Variants in MECR observed in about 807,000 individuals in gnomAD.
MECR encodes the protein mitochondrial trans-2-enoyl-CoA reductase, also known as enoyl-[acyl-carrier-protein] reductase, mitochondrial.
MECR carries 37 observed loss-of-function variants against 49.1 expected under a neutral mutation model. The observed-to-expected ratio is 0.75, with a 90% CI of 0.58 to 0.99. MECR has a LOEUF of 0.99. Ranked by LOEUF, MECR falls within the 50% of genes least tolerant of loss-of-function variation. The pLI is 0.00. For missense variants in MECR, 470 were observed against 479.6 expected (o/e 0.98, Z 0.19); for synonymous variants, 198 against 191.1 (o/e 1.04, Z -0.30).
the MECR span, among the ~76,000 whole-genome samples, chr1:29,178,367 A>G: frequency 1.8e-4 from 2 of 10,906 alleles, no homozygotes; most frequent in Non-Finnish European, 8.3e-4. Flanking sequence ...TTTTTTTGAG[A>G]CAGAGTCTCG....
chr1:29,180,006 C>A, the MECR span, among the ~76,000 whole-genome samples: 3 of 152,238 alleles, frequency 2.0e-5, no homozygotes, highest in African/African-American at 7.2e-5. Flanking sequence ...TTATCAAACA[C>A]CAACAAGCAA....
intron 7 of MECR, among the ~76,000 whole-genome samples, chr1:29,196,623 G>A (rs1224517171): frequency 1.3e-5 from 2 of 152,190 alleles, no homozygotes; most frequent in East Asian, 1.9e-4. Flanking sequence ...ATGAAATTGA[G>A]GTTGCAGTGA....
chr1:29,215,714 T>C (rs1410959909), intron 3 of MECR, among the ~76,000 whole-genome samples: 2 of 150,614 alleles, frequency 1.3e-5, no homozygotes, highest in East Asian at 3.9e-4. Flanking sequence ...CTACTAACAA[T>C]ACAAAAATTA....
At position 29,193,915 on chromosome 1, in the gene MECR, TGAG is replaced by T; in HGVS notation, c.*104_*106del. On this transcript the variant is annotated 3_prime_UTR_variant, in exon 10 of 10. Transcript: ENST00000263702. The stretch of plus-strand genomic sequence containing the variant: ...CCATCCTCCTAATAGGAAGAGGCAG[TGAG>T]GAGAACAGTAGTCTGGGGAAGGTGG... 1 of 1,344,892 alleles carries T rather than the reference TGAG, an allele frequency of 7.4e-7. No homozygotes were observed. The highest frequency in any genetic ancestry group is 1.0e-6 in the Non-Finnish European group (1 of 973,958). The allele number at this position is 1,344,892 out of a possible 1,614,324, so 83.3% of individuals were successfully genotyped here.
intron 1 of MECR, among the ~76,000 whole-genome samples, chr1:29,228,352 T>A (rs1682620137): frequency 1.9e-5 from 2 of 107,488 alleles, no homozygotes; most frequent in East Asian, 4.6e-4. Flanking sequence ...TGTGGAAGTA[T>A]CTTTTTTTTT....
chr1:29,227,661 A>C (rs1305222402), intron 1 of MECR, among the ~76,000 whole-genome samples: 1 of 152,168 alleles, frequency 6.6e-6, no homozygotes, highest in Non-Finnish European at 1.5e-5. Context: ...AAACCACACT[A>C]GTTCTGACAA....
intron 3 of MECR, among the ~76,000 whole-genome samples, chr1:29,213,419 T>C (rs1678526667): frequency 6.6e-6 from 1 of 152,028 alleles, no homozygotes; most frequent in Non-Finnish European, 1.5e-5. Context: ...TTTTCCTGCC[T>C]AGTATCTTTT....
At chr1:29,207,597 T>G (rs1676935515) in intron 3 of MECR, among the ~76,000 whole-genome samples, 1 of 147,524 alleles carries the variant, frequency 6.8e-6, no homozygotes, top group Admixed American at 6.8e-5. Flanking sequence ...AAAAAAAAAA[T>G]TAGCTGGGCA....
chr1:29,176,147 G>T, the MECR span, among the ~76,000 whole-genome samples: 1 of 152,144 alleles, frequency 6.6e-6, no homozygotes, highest in African/African-American at 2.4e-5. Context: ...AGCTACTTGG[G>T]AGGCTGAGGC....
chr1:29,178,004 A>G, the MECR span, among the ~76,000 whole-genome samples: 1 of 150,408 alleles, frequency 6.6e-6, no homozygotes, highest in Non-Finnish European at 1.5e-5. Flanking sequence ...GGTTCAAGCA[A>G]TTCTCCTGCC....
chr1:29,215,520 C>T (rs892845508), intron 3 of MECR, among the ~76,000 whole-genome samples: 5 of 147,300 alleles, frequency 3.4e-5, no homozygotes, highest in Non-Finnish European at 4.5e-5. Context: ...TGCAGTAAGC[C>T]GAGATCGCGT....
chr1:29,211,098 T>TTG (rs1553339767), intron 3 of MECR, among the ~76,000 whole-genome samples: 2 of 151,604 alleles, frequency 1.3e-5, no homozygotes, highest in African/African-American at 4.9e-5. Context: ...GTTTTTTTTT[T>TTG]TTTTGTTTTG....
intron 4 of MECR, 24 bp from the exon 5 acceptor site, chr1:29,203,257 A>C: frequency 2.6e-6 from 4 of 1,538,188 alleles, no homozygotes; most frequent in Non-Finnish European, 1.8e-6. Context: ...AAGAGAACCA[A>C]ATCAAGCCCT....
At chr1:29,229,849 T>C (rs1198605147) in intron 1 of MECR, among the ~76,000 whole-genome samples, 2 of 152,202 alleles carry the variant, frequency 1.3e-5, no homozygotes, top group Non-Finnish European at 2.9e-5. Flanking sequence ...GAATGGCTAT[T>C]TATGTGCAGA....
At chr1:29,195,673 A>G (rs915843074) in intron 9 of MECR, among the ~76,000 whole-genome samples, 2 of 152,184 alleles carry the variant, frequency 1.3e-5, no homozygotes, top group East Asian at 1.9e-4. Flanking sequence ...TCCAGAGTCT[A>G]TTCTCTCTGT....
intron 3 of MECR, among the ~76,000 whole-genome samples, chr1:29,214,140 T>C (rs1384936115): frequency 2.0e-5 from 3 of 151,568 alleles, no homozygotes; most frequent in African/African-American, 4.8e-5. Context: ...CGGCTCACTG[T>C]AACCTCCGCC....
At chr1:29,222,879 A>G (rs1049147032) in intron 1 of MECR, among the ~76,000 whole-genome samples, 7 of 152,206 alleles carry the variant, frequency 4.6e-5, no homozygotes, top group African/African-American at 1.7e-4. Context: ...AGGGAATGCC[A>G]TCAATACCAC....
intron 1 of MECR, among the ~76,000 whole-genome samples, chr1:29,221,392 A>C (rs1342252581): frequency 6.6e-6 from 1 of 152,190 alleles, no homozygotes; most frequent in Non-Finnish European, 1.5e-5. Flanking sequence ...AGGATACCAT[A>C]GTTTGAAGGA....
At chr1:29,177,893 ATTTTTTT>A in the MECR span, among the ~76,000 whole-genome samples, 6 of 93,636 alleles carry the variant, frequency 6.4e-5, no homozygotes, top group East Asian at 2.8e-4. Flanking sequence ...ATTACACAAG[ATTTTTTT>A]TTTTTTTTTT....
Sources: gnomAD v4.1 joint callset for allele counts (sites outside exome capture counted in the v4.1 genomes callset) on GRCh38, gnomAD v4.1.1 for gene constraint, MANE v1.5 for transcripts, NCBI Gene and HGNC (gene_info 2026-07-23, HGNC 2026-07-21) for gene names.